The following NPAS3 variants were observed in gnomAD, a reference collection of about 807,000 sequenced individuals.
NPAS3 encodes the protein neuronal PAS domain-containing protein 3.
In NPAS3, 14 loss-of-function variants were observed where a neutral mutation model predicts 73.1. That is an observed-to-expected ratio of 0.19 (90% CI 0.13 to 0.30). The LOEUF is 0.30. NPAS3 is among the 10% of genes least tolerant of loss of function. NPAS3 has a pLI of 1.00. For synonymous variants in NPAS3, 620 were observed against 541.5 expected (o/e 1.14, Z -2.01); for missense variants, 1,096 against 1,250.0 (o/e 0.88, Z 1.86).
chr14:33,146,763 G>A (rs2139210982), intron 2 of NPAS3, among the ~76,000 whole-genome samples: 1 of 152,300 alleles, frequency 6.6e-6, no homozygotes. Context: ...TGAATGTTGG[G>A]ATGCATAAAT....
intron 2 of NPAS3, among the ~76,000 whole-genome samples, chr14:33,068,192 ACT>A (rs1323385813): frequency 6.6e-6 from 1 of 152,240 alleles, no homozygotes; most frequent in Non-Finnish European, 1.5e-5. Context: ...GCTCAAAATC[ACT>A]GACTGCTCCA....
At chr14:33,028,053 T>A (rs529686205) in intron 1 of NPAS3, among the ~76,000 whole-genome samples, 2 of 152,352 alleles carry the variant, frequency 1.3e-5, no homozygotes, top group East Asian at 3.9e-4. Flanking sequence ...GTCACTTTTT[T>A]ATGAATTCAA....
At chr14:32,950,820 T>G (rs887427384) in intron 1 of NPAS3, among the ~76,000 whole-genome samples, 3 of 152,142 alleles carry the variant, frequency 2.0e-5, no homozygotes, top group African/African-American at 7.2e-5. Flanking sequence ...GCTGTAATAG[T>G]ATTGCCATAA....
intron 1 of NPAS3, among the ~76,000 whole-genome samples, chr14:33,015,925 A>G (rs2039373678): frequency 6.6e-6 from 1 of 152,218 alleles, no homozygotes; most frequent in South Asian, 2.1e-4. Flanking sequence ...TTGAGTAGAA[A>G]GCACTTGGGT....
At chr14:33,180,072 A>G (rs8003317) in intron 2 of NPAS3, among the ~76,000 whole-genome samples, 37,082 of 152,074 alleles carry the variant, frequency 0.24, 5,027 homozygotes, top group East Asian at 0.51. Flanking sequence ...TTTTCTCAGC[A>G]TCAGAAATAG....
intron 2 of NPAS3, among the ~76,000 whole-genome samples, chr14:33,211,640 T>TCTC (rs2047038847): frequency 6.6e-6 from 1 of 152,180 alleles, no homozygotes; most frequent in African/African-American, 2.4e-5. Flanking sequence ...ATTTACTATT[T>TCTC]CTCCTATCTA....
rs531902119 is a variant in NPAS3 at position 33,296,233 on chromosome 14, CT to C, written c.386-70945del. 1.1e-4 allele frequency among the ~76,000 whole-genome samples: 17 copies of C among 152,092 alleles called. No individual in the cohort carries two copies. The South Asian group carries it at 2.5e-3, about 22-fold the overall frequency. ...AGTTAAATTTAATTCCTATAAGATA[CT>C]TTTTTTTCCATTGAAGATGTTGTTG... On this transcript the variant is annotated intron_variant, in intron 3 of 11. Transcript: ENST00000356141.
At chr14:33,269,120 T>C (rs924824995) in intron 3 of NPAS3, among the ~76,000 whole-genome samples, 30 of 152,314 alleles carry the variant, frequency 2.0e-4, no homozygotes, top group African/African-American at 6.3e-4. Context: ...CAGTGACTTA[T>C]TTTATCTAAA....
chr14:33,414,690 C>T (rs1284981243), intron 4 of NPAS3, among the ~76,000 whole-genome samples: 2 of 152,080 alleles, frequency 1.3e-5, no homozygotes. Context: ...AAAGCAAATA[C>T]TATAAATATA....
intron 7 of NPAS3, among the ~76,000 whole-genome samples, chr14:33,772,185 T>C (rs1030208733): frequency 1.3e-5 from 2 of 152,234 alleles, no homozygotes; most frequent in African/African-American, 4.8e-5. Flanking sequence ...ATAAAATGTG[T>C]AGAATTCTTT....
intron 6 of NPAS3, among the ~76,000 whole-genome samples, chr14:33,697,058 T>C (rs925351311): frequency 2.6e-5 from 4 of 152,212 alleles, no homozygotes; most frequent in African/African-American, 9.6e-5. Context: ...TTTCTTCTAC[T>C]TCGTGTTTAT....
intron 2 of NPAS3, among the ~76,000 whole-genome samples, chr14:33,060,420 A>T (rs1011205630): frequency 3.3e-5 from 5 of 152,232 alleles, no homozygotes; most frequent in African/African-American, 1.2e-4. Context: ...TAGGCATGGC[A>T]GTACCTATTT....
chr14:33,157,335 A>G (rs977878215), intron 2 of NPAS3, among the ~76,000 whole-genome samples: 2 of 152,240 alleles, frequency 1.3e-5, no homozygotes, highest in African/African-American at 2.4e-5. Flanking sequence ...TTTTAATCAT[A>G]TCTTGTACCC....
At chr14:33,398,722 C>T (rs2047327206) in intron 4 of NPAS3, among the ~76,000 whole-genome samples, 1 of 152,032 alleles carries the variant, frequency 6.6e-6, no homozygotes, top group Admixed American at 6.6e-5. Context: ...GAAAAGTGCT[C>T]ATCTATTCTT....
intron 7 of NPAS3, among the ~76,000 whole-genome samples, chr14:33,761,409 C>T (rs1426491270): frequency 1.3e-5 from 2 of 151,878 alleles, no homozygotes; most frequent in African/African-American, 2.4e-5. Context: ...GAACCCTGTG[C>T]ACTTCAAGAG....
chr14:33,630,676 A>G (rs2058352970), intron 5 of NPAS3, among the ~76,000 whole-genome samples: 1 of 152,206 alleles, frequency 6.6e-6, no homozygotes, highest in Non-Finnish European at 1.5e-5. Context: ...AATTCCAAAC[A>G]TGTCAATTAA....
intron 3 of NPAS3, among the ~76,000 whole-genome samples, chr14:33,236,807 T>A (rs1267766733): frequency 6.6e-6 from 1 of 152,138 alleles, no homozygotes; most frequent in African/African-American, 2.4e-5. Context: ...TTCAAAGATA[T>A]ATTCAAACAG....
intron 7 of NPAS3, among the ~76,000 whole-genome samples, chr14:33,737,099 G>T (rs1461229607): frequency 6.6e-6 from 1 of 152,106 alleles, no homozygotes; most frequent in African/African-American, 2.4e-5. Context: ...GCAGAGCCAG[G>T]GTTTGAACCT....
chr14:32,993,217 T>G (rs1249953078), intron 1 of NPAS3, among the ~76,000 whole-genome samples: 1 of 151,638 alleles, frequency 6.6e-6, no homozygotes, highest in East Asian at 1.9e-4. Context: ...ATGTTGCTGT[T>G]AAAGTAAAAA....
Sources: allele counts gnomAD v4.1 joint callset (sites outside exome capture counted in the v4.1 genomes callset), GRCh38; gene constraint gnomAD v4.1.1; transcripts MANE v1.5; gene names NCBI Gene and HGNC (gene_info 2026-07-23, HGNC 2026-07-21).